Variants in GLDC observed in about 807,000 individuals in gnomAD.
The protein encoded by GLDC is glycine decarboxylase.
Under a neutral mutation model 121.3 loss-of-function variants are expected in GLDC, and 104 were observed. The observed-to-expected ratio is 0.86, with a 90% CI of 0.73 to 1.01. The LOEUF (loss-of-function observed/expected upper bound fraction) is 1.01. Among genes scored for constraint, GLDC ranks in the 50% least tolerant of loss-of-function variants. GLDC has a pLI of 0.00. For missense variants in GLDC, 1,429 were observed against 1,306.6 expected, an observed-to-expected ratio of 1.09 and a Z score of -1.44; for synonymous variants, 546 against 480.6, an observed-to-expected ratio of 1.14 and a Z score of -1.78.
At chr9:6,612,103 C>T (rs542876134) in intron 3 of GLDC, among the ~76,000 whole-genome samples, 28 of 152,196 alleles carry the variant, frequency 1.8e-4, no homozygotes, top group Non-Finnish European at 3.8e-4. Flanking sequence ...TCACCACCCA[C>T]TTAGAATCTG....
chr9:6,622,009 G>C (rs1819106162), intron 2 of GLDC, among the ~76,000 whole-genome samples: 1 of 152,096 alleles, frequency 6.6e-6, no homozygotes, highest in Admixed American at 6.5e-5. Flanking sequence ...CTCTATCAGA[G>C]AAAAACGTAG....
intron 3 of GLDC, among the ~76,000 whole-genome samples, chr9:6,616,393 A>G (rs1293053159): frequency 1.3e-5 from 2 of 152,192 alleles, no homozygotes; most frequent in Non-Finnish European, 1.5e-5. Flanking sequence ...TTGTCTTGCA[A>G]ATATGCCAAA....
At chr9:6,540,218 A>G in intron 21 of GLDC, 72 bp from the exon 22 acceptor site, 1 of 968,250 alleles carries the variant, frequency 1.0e-6, no homozygotes, top group Non-Finnish European at 1.7e-6. Context: ...TGAATAAGTA[A>G]TTTAATAAAT....
rs751333632 is a variant in GLDC at position 6,550,869 on chromosome 9, A to G, written c.2503T>C (p.Leu835=). ...GLKQATETAI[L]NANYMAKRLE... Reference sequence around the variant, plus strand: ...CGCTTGGCCATGTAGTTGGCATTTAATATCGCAGTTTCCGTGGCTTGTTTA... The same window carrying G: ...CGCTTGGCCATGTAGTTGGCATTTAGTATCGCAGTTTCCGTGGCTTGTTTA... Residue 835 remains leucine (L), a synonymous_variant, in exon 21 of 25, where the codon TTA becomes CTA. Coordinates refer to ENST00000321612, the MANE Select transcript of GLDC (RefSeq NM_000170.3). The G allele has an allele frequency of 1.9e-6, 3 of 1,613,836 alleles. No homozygotes were observed. The highest frequency in any genetic ancestry group is 2.5e-6 in the Non-Finnish European group (3 of 1,179,852).
chr9:6,552,153 C>G (rs986287497), intron 20 of GLDC, among the ~76,000 whole-genome samples: 88 of 152,124 alleles, frequency 5.8e-4, no homozygotes, highest in African/African-American at 2.1e-3. Flanking sequence ...GCAGCTAAAG[C>G]TAGAGTCCAG....
At chr9:6,618,824 T>G (rs539424972) in intron 3 of GLDC, among the ~76,000 whole-genome samples, 218 of 151,786 alleles carry the variant, frequency 1.4e-3, no homozygotes, top group African/African-American at 5.1e-3. Context: ...CAGACACAGA[T>G]GAACACACAC....
chr9:6,552,812 G>C (rs1321105234), intron 20 of GLDC, among the ~76,000 whole-genome samples: 1 of 152,106 alleles, frequency 6.6e-6, no homozygotes, highest in Non-Finnish European at 1.5e-5. Context: ...ACAAAGGAAG[G>C]AAGCCTGTAC....
chr9:6,563,297 C>A (rs1397039407), intron 16 of GLDC, among the ~76,000 whole-genome samples: 1 of 152,168 alleles, frequency 6.6e-6, no homozygotes, highest in African/African-American at 2.4e-5. Flanking sequence ...GGGTGGGAAG[C>A]ATTACTGCGT....
intron 3 of GLDC, among the ~76,000 whole-genome samples, chr9:6,616,484 T>C (rs951342905): frequency 6.6e-6 from 1 of 152,216 alleles, no homozygotes; most frequent in African/African-American, 2.4e-5. Context: ...AAACAGGTGT[T>C]AATGCTCTTA....
chr9:6,642,707 G>A (rs545821312), intron 2 of GLDC, among the ~76,000 whole-genome samples: 3 of 151,986 alleles, frequency 2.0e-5, no homozygotes, highest in Non-Finnish European at 4.4e-5. Context: ...AGGCTCTAAT[G>A]CTCTGAAAAG....
Position 6,554,916 on chromosome 9 carries a change from G to A in GLDC, c.2203-135C>T, listed in dbSNP as rs1244286302. 4 of 729,244 alleles carry A rather than the reference G, an allele frequency of 5.5e-6. No homozygotes were observed. The East Asian group carries it at 1.1e-4, about 20-fold the overall frequency. The allele number at this position is 729,244 out of a possible 1,614,324, so 45.2% of individuals were successfully genotyped here. ...CAGAGCCACATCCATGGTGTTCACA[G>A]AAATGTCCTCTATACTGGCCCAGTT... On this transcript the variant is annotated intron_variant, in intron 18 of 24. Coordinates refer to ENST00000321612, the MANE Select transcript of GLDC (RefSeq NM_000170.3).
chr9:6,624,328 G>T (rs1819187289), intron 2 of GLDC, among the ~76,000 whole-genome samples: 1 of 152,114 alleles, frequency 6.6e-6, no homozygotes, highest in Non-Finnish European at 1.5e-5. Flanking sequence ...GCTGGATTAG[G>T]GTCAGCCGTA....
intron 12 of GLDC, among the ~76,000 whole-genome samples, 155 bp downstream of exon 12, chr9:6,589,040 C>A (rs562370667): frequency 6.6e-6 from 1 of 152,180 alleles, no homozygotes; most frequent in Non-Finnish European, 1.5e-5. Flanking sequence ...TTTCCCAAGT[C>A]AGGAACGGGA....
chr9:6,600,949 T>C (rs1335382909), intron 8 of GLDC, among the ~76,000 whole-genome samples: 1 of 151,990 alleles, frequency 6.6e-6, no homozygotes, highest in Non-Finnish European at 1.5e-5. Context: ...CCGAGGTGGG[T>C]GGATCATGAG....
At chr9:6,624,017 C>G (rs1297913484) in intron 2 of GLDC, among the ~76,000 whole-genome samples, 3 of 152,178 alleles carry the variant, frequency 2.0e-5, no homozygotes, top group Non-Finnish European at 1.5e-5. Context: ...GTGAAGGGCT[C>G]TGTCTGTCAA....
chr9:6,547,538 G>T (rs1817420999), intron 21 of GLDC, among the ~76,000 whole-genome samples: 2 of 152,142 alleles, frequency 1.3e-5, no homozygotes, highest in African/African-American at 4.8e-5. Context: ...TTGGCACAAA[G>T]TCTCTGGGAA....
chr9:6,640,029 T>C (rs1819596753), intron 2 of GLDC, among the ~76,000 whole-genome samples: 1 of 152,164 alleles, frequency 6.6e-6, no homozygotes, highest in African/African-American at 2.4e-5. Flanking sequence ...ATCACATCAG[T>C]TGCCCGACTT....
intron 18 of GLDC, 118 bp from the exon 19 acceptor site, chr9:6,554,899 C>T (rs1817588521): frequency 6.6e-6 from 5 of 759,574 alleles, no homozygotes; most frequent in East Asian, 2.7e-5. Flanking sequence ...GGCAGAGCCA[C>T]ATCCATGGTG....
At chr9:6,539,020 G>C (rs1482319403) in intron 22 of GLDC, among the ~76,000 whole-genome samples, 1 of 151,210 alleles carries the variant, frequency 6.6e-6, no homozygotes, top group African/African-American at 2.4e-5. Flanking sequence ...TTATGATGCA[G>C]TAGTGAAACT....
Sources: allele counts gnomAD v4.1 joint callset (sites outside exome capture counted in the v4.1 genomes callset), GRCh38; gene constraint gnomAD v4.1.1; transcripts MANE v1.5; gene names NCBI Gene and HGNC (gene_info 2026-07-23, HGNC 2026-07-21).